The following ADAMTS9 variants were observed in gnomAD, a reference collection of about 807,000 sequenced individuals.
ADAMTS9 encodes the protein ADAM metallopeptidase with thrombospondin type 1 motif 9.
A neutral mutation model predicts 257.1 loss-of-function variants in ADAMTS9; 107 were observed. The observed-to-expected ratio is 0.42, with a 90% CI of 0.36 to 0.49. The LOEUF (loss-of-function observed/expected upper bound fraction) is 0.49. Among genes scored for constraint, ADAMTS9 ranks in the 20% least tolerant of loss-of-function variants. ADAMTS9 has a pLI of 0.03. For missense variants in ADAMTS9, 2,353 were observed against 2,469.1 expected, an observed-to-expected ratio of 0.95 and a Z score of 1.00; for synonymous variants, 982 against 880.9, an observed-to-expected ratio of 1.11 and a Z score of -2.03.
chr3:64,657,569 G>C (rs994614348), intron 4 of ADAMTS9, among the ~76,000 whole-genome samples: 6 of 151,762 alleles, frequency 4.0e-5, no homozygotes, highest in African/African-American at 1.5e-4. Context: ...TTAAACTCTG[G>C]GCCTCAGATT....
intron 8 of ADAMTS9, among the ~76,000 whole-genome samples, chr3:64,653,406 G>C (rs1700980227): frequency 6.6e-6 from 1 of 152,046 alleles, no homozygotes. Context: ...AAAGAAAAGG[G>C]GTGTGCTCTT....
At chr3:64,565,364 A>G (rs1388450617) in intron 29 of ADAMTS9, 3 of 152,242 alleles carry the variant, frequency 2.0e-5, no homozygotes, top group African/African-American at 7.2e-5. Flanking sequence ...CATTGAATGT[A>G]AGACAACACT....
chr3:64,573,792 C>T (rs911009396), intron 28 of ADAMTS9, among the ~76,000 whole-genome samples: 2 of 152,166 alleles, frequency 1.3e-5, no homozygotes, highest in Non-Finnish European at 2.9e-5. Context: ...ACTGCATGAG[C>T]GTCACACTGT....
intron 12 of ADAMTS9, among the ~76,000 whole-genome samples, chr3:64,635,923 A>T (rs768807100): frequency 6.6e-6 from 1 of 152,142 alleles, no homozygotes; most frequent in Non-Finnish European, 1.5e-5. Context: ...AACTTGTTTC[A>T]AATGTGCTAC....
Position 64,681,287 on chromosome 3 carries a change from T to C in ADAMTS9, c.593A>G (p.Glu198Gly). 1.2e-6 allele frequency: 2 copies of C among 1,614,104 alleles called. No individual in the cohort carries two copies. Among genetic ancestry groups the C allele is most frequent in the South Asian group, 1.1e-5 (1 of 91,074 alleles). ...LQSMDEQEDEEEQNKPHIIYR... is the reference protein window; with the variant it reads ...LQSMDEQEDEGEQNKPHIIYR... ...AATGATGTGGGGTTTGTTTTGTTCC[T>C]CTTCATCTTCTTGTTCATCCATAGA... The change falls in exon 3 of 40, where the codon GAG (glutamate) becomes GGG (glycine). Residue 198 changes from glutamate to glycine, a missense_variant. By Grantham distance (98) the Glu-to-Gly change is moderately conservative (BLOSUM62 -2). This residue lies in a region of ADAMTS9 where 591 missense variants were observed against 569.6 expected (regional missense o/e 1.04). Transcript: ENST00000498707.
intron 32 of ADAMTS9, 117 bp downstream of exon 32, chr3:64,546,641 A>C (rs1351729197): frequency 9.0e-7 from 1 of 1,107,354 alleles, no homozygotes; most frequent in Non-Finnish European, 1.3e-6. Context: ...CAAGTTGCTA[A>C]CTCCAGGGTT....
chr3:64,658,883 G>A (rs1034801635), intron 3 of ADAMTS9, 92 bp from the exon 4 acceptor site: 3 of 1,360,890 alleles, frequency 2.2e-6, no homozygotes, highest in Non-Finnish European at 2.0e-6. Flanking sequence ...TGATCCCTCT[G>A]TGGTCAAACT....
chr3:64,650,117 C>T (rs921172878), intron 9 of ADAMTS9: 5 of 200,962 alleles, frequency 2.5e-5, no homozygotes, highest in Non-Finnish European at 4.0e-5. Flanking sequence ...TCTTTTTCAT[C>T]AAAGCACAGG....
chr3:64,519,838 T>C (rs1027540600), intron 39 of ADAMTS9, among the ~76,000 whole-genome samples: 2 of 152,112 alleles, frequency 1.3e-5, no homozygotes, highest in Non-Finnish European at 2.9e-5. Flanking sequence ...GCCAATATCA[T>C]ACTTAACAGG....
At chr3:64,600,090 AACACACCTTGCTCAAGTGTAT>A (rs1390289993) in intron 26 of ADAMTS9, among the ~76,000 whole-genome samples, 2 of 134,180 alleles carry the variant, frequency 1.5e-5, no homozygotes, top group Non-Finnish European at 3.1e-5. Context: ...CCTAATTGCT[AACACACCTTGCTCAAGTGTAT>A]ACAGAAATCT....
intron 3 of ADAMTS9, among the ~76,000 whole-genome samples, chr3:64,664,437 C>T (rs541536594): frequency 6.6e-6 from 1 of 152,270 alleles, no homozygotes; most frequent in African/African-American, 2.4e-5. Flanking sequence ...ATTCCATTCT[C>T]CCCTTTCCTC....
chr3:64,642,121 C>T, intron 11 of ADAMTS9, 128 bp from the exon 12 acceptor site: 1 of 1,048,260 alleles, frequency 9.5e-7, no homozygotes. Context: ...GCAGGTTCAT[C>T]ATCTATATGA....
intron 11 of ADAMTS9, among the ~76,000 whole-genome samples, chr3:64,642,355 G>GATT (rs1700668202): frequency 6.6e-6 from 1 of 152,110 alleles, no homozygotes; most frequent in Admixed American, 6.5e-5. Flanking sequence ...GATTTGCATA[G>GATT]TGAATTTCCA....
rs763005546 is a variant in ADAMTS9, at chr3:64,641,973, A to G, written c.1731T>C (p.Cys577=). 1 of 1,614,136 alleles carries G rather than the reference A, an allele frequency of 6.2e-7. No homozygotes were observed. The highest frequency in any genetic ancestry group is 1.1e-5 in the South Asian group (1 of 91,078). ...CGGGGACATCCATTTCTTTGGGAAC[A>G]CAAAATCCATACTTGCAGTGCTGTA... ...EPGKHCKYGF[C]VPKEMDVPVT... Residue 577 remains cysteine (C), a synonymous_variant, in exon 12 of 40, where the codon TGT becomes TGC. Coordinates refer to ENST00000498707, the MANE Select transcript of ADAMTS9 (RefSeq NM_182920.2).
At chr3:64,676,099 TGA>T (rs948222133) in intron 3 of ADAMTS9, among the ~76,000 whole-genome samples, 3 of 152,188 alleles carry the variant, frequency 2.0e-5, no homozygotes, top group African/African-American at 7.2e-5. Flanking sequence ...CTGGGTTGAA[TGA>T]GAGATTCAAC....
chr3:64,626,861 T>G (rs1700235576), intron 16 of ADAMTS9, among the ~76,000 whole-genome samples: 1 of 152,146 alleles, frequency 6.6e-6, no homozygotes, highest in South Asian at 2.1e-4. Context: ...TGTAAACCTC[T>G]GACAACCTCG....
At chr3:64,589,415 T>C (rs2084218627) in intron 28 of ADAMTS9, 1 of 152,140 alleles carries the variant, frequency 6.6e-6, no homozygotes, top group Non-Finnish European at 1.5e-5. Flanking sequence ...AAAACAAGAT[T>C]AATAGTCAGT....
chr3:64,632,884 C>T (rs187385226), intron 14 of ADAMTS9, among the ~76,000 whole-genome samples: 2 of 151,916 alleles, frequency 1.3e-5, no homozygotes, highest in African/African-American at 2.4e-5. Flanking sequence ...AGAGCCCAAC[C>T]GGGTTAGGAA....
intron 25 of ADAMTS9, among the ~76,000 whole-genome samples, chr3:64,602,560 C>T (rs958008780): frequency 6.6e-6 from 1 of 152,164 alleles, no homozygotes; most frequent in Non-Finnish European, 1.5e-5. Flanking sequence ...ACCCATCTAC[C>T]ATTCGCCACT....
Sources: allele counts gnomAD v4.1 joint callset (sites outside exome capture counted in the v4.1 genomes callset), GRCh38; gene constraint gnomAD v4.1.1; regional missense constraint gnomAD v4.1.1; transcripts MANE v1.5; gene names NCBI Gene and HGNC (gene_info 2026-07-23, HGNC 2026-07-21).